Variants in CAPZB observed in about 807,000 individuals in gnomAD.
CAPZB encodes F-actin-capping protein subunit beta.
In CAPZB, 2 loss-of-function variants were observed where a neutral mutation model predicts 38.1. The observed-to-expected ratio is 0.05, with a 90% CI of 0.02 to 0.17. The LOEUF is 0.17. Ranked by LOEUF, CAPZB falls within the 10% of genes least tolerant of loss-of-function variation. CAPZB has a pLI of 1.00. For missense variants in CAPZB, 161 were observed against 334.2 expected, an observed-to-expected ratio of 0.48 and a Z score of 4.04; for synonymous variants, 107 against 127.4, an observed-to-expected ratio of 0.84 and a Z score of 1.08.
chr1:19,438,053 T>C (rs1376057962), intron 1 of CAPZB, among the ~76,000 whole-genome samples: 1 of 152,152 alleles, frequency 6.6e-6, no homozygotes, highest in Non-Finnish European at 1.5e-5. Flanking sequence ...AATCCATCCA[T>C]CCAAGTATTG....
In CAPZB at chr1:19,419,787, T is replaced by G. The variant is rs779650942; in HGVS notation, c.4-37A>C. 3.3e-6 allele frequency: 4 copies of G among 1,217,642 alleles called. No homozygotes were observed. The East Asian group carries it at 7.6e-5, about 23-fold the overall frequency. 75.4% of individuals were successfully genotyped at this position (1,217,642 alleles called of 1,614,324 possible). ...GAAATACAAGTGCGTCAGTCATTTT[T>G]GCCAGAAGGAATATCAAAAACTCCT... On this transcript the variant is annotated intron_variant, in intron 1 of 8. Coordinates refer to ENST00000264202, the MANE Select transcript of CAPZB (RefSeq NM_004930.5).
intron 1 of CAPZB, among the ~76,000 whole-genome samples, chr1:19,440,877 G>A (rs1295258419): frequency 6.6e-6 from 1 of 152,166 alleles, no homozygotes; most frequent in Non-Finnish European, 1.5e-5. Flanking sequence ...TGGCTAACAT[G>A]GTGAAACCCC....
Position 19,462,713 on chromosome 1 carries a change from C to T in CAPZB, c.3+22723G>A, listed in dbSNP as rs540487587. Among the ~76,000 whole-genome samples, 12 of 152,312 alleles carry T rather than the reference C, an allele frequency of 7.9e-5. No homozygotes were observed. The East Asian group carries it at 1.4e-3, about 17-fold the overall frequency. ...AAAACAGGTCCAGTTGAATGGCATT[C>T]CCTCTGGCTCCTATCCAGAAGAATT... On this transcript the variant is annotated intron_variant, in intron 1 of 8. Coordinates refer to ENST00000264202, the MANE Select transcript of CAPZB (RefSeq NM_004930.5).
chr1:19,365,568 C>T (rs1425044385), intron 4 of CAPZB, among the ~76,000 whole-genome samples: 5 of 152,106 alleles, frequency 3.3e-5, no homozygotes, highest in Middle Eastern at 3.2e-3. Context: ...TGGTGGCTCA[C>T]GCCTGTAATC....
chr1:19,439,238 C>T (rs573000564), intron 1 of CAPZB, among the ~76,000 whole-genome samples: 74 of 152,226 alleles, frequency 4.9e-4, no homozygotes, highest in African/African-American at 1.6e-3. Context: ...CAAGACTGTC[C>T]CACTCTTGTA....
intron 1 of CAPZB, among the ~76,000 whole-genome samples, chr1:19,443,922 C>A (rs558791677): frequency 1.1e-4 from 16 of 152,310 alleles, no homozygotes; most frequent in Non-Finnish European, 2.1e-4. Flanking sequence ...CTGGTGGGTT[C>A]ATAGTGCCCC....
At position 19,356,414 on chromosome 1, in the gene CAPZB, C is replaced by T. The variant is rs10917418; in HGVS notation, c.588+221G>A. Among the ~76,000 whole-genome samples, 18,356 of 152,276 alleles carry T rather than the reference C, an allele frequency of 0.12. 2,438 individuals carry two copies. The highest frequency in any genetic ancestry group is 0.33 in the African/African-American group (13,754 of 41,520). On this transcript the variant is annotated intron_variant, in intron 6 of 8. Transcript: ENST00000264202. The surrounding 1 kb of genome is among the most constrained non-coding windows in gnomAD (Gnocchi z 4.3). ...GGAGGAGCCACAGCCAGCACCCGGC[C>T]TCCCTCAGCAGGAGGCCAGCAGAGT... is the stretch of plus-strand genomic sequence containing the variant.
chr1:19,372,008 C>T (rs1378224238), intron 4 of CAPZB, among the ~76,000 whole-genome samples: 1 of 152,258 alleles, frequency 6.6e-6, no homozygotes, highest in East Asian at 1.9e-4. Flanking sequence ...CTCCTGGCTG[C>T]TCCACTCCTG....
At position 19,380,857 on chromosome 1, in the gene CAPZB, T is replaced by TA. The variant is rs879881235; in HGVS notation, c.216-2205dup. Among the ~76,000 whole-genome samples the TA allele has an allele frequency of 3.3e-3, 481 of 146,736 alleles. 1 individual carries two copies. Among genetic ancestry groups the TA allele is most frequent in the African/African-American group, 9.4e-3 (378 of 40,326 alleles). On this transcript the variant is annotated intron_variant, in intron 3 of 8. Coordinates refer to ENST00000264202, the MANE Select transcript of CAPZB (RefSeq NM_004930.5). ...GCCTGGCACTCAACTACACGCTCAT[T>TA]AAAAAAAAAAATGTTTTTAAGAATG...
At chr1:19,355,411 C>T (rs2094015152) in intron 6 of CAPZB, among the ~76,000 whole-genome samples, 1 of 151,376 alleles carries the variant, frequency 6.6e-6, no homozygotes, top group South Asian at 2.1e-4. Context: ...AGGAGAATCG[C>T]TTGAACCCGG....
chr1:19,437,140 A>C (rs2094460683), intron 1 of CAPZB, among the ~76,000 whole-genome samples: 1 of 152,398 alleles, frequency 6.6e-6, no homozygotes, highest in South Asian at 2.1e-4. Flanking sequence ...TTCATGACAG[A>C]TAAAAAGGTT....
intron 1 of CAPZB, among the ~76,000 whole-genome samples, chr1:19,464,228 G>T (rs1350045434): frequency 6.6e-6 from 1 of 150,406 alleles, no homozygotes; most frequent in Non-Finnish European, 1.5e-5. Context: ...GAGGAGCAAA[G>T]GAGGAAAGGA....
At chr1:19,468,396 G>GCGCCATCCACTCCC (rs1208939674) in intron 1 of CAPZB, among the ~76,000 whole-genome samples, 2 of 152,136 alleles carry the variant, frequency 1.3e-5, no homozygotes, top group Admixed American at 1.3e-4. Flanking sequence ...ACTCAACCAA[G>GCGCCATCCACTCCC]CGCCATCCAC....
chr1:19,483,524 CCAGCCTTTT>C (rs1481355644), intron 1 of CAPZB, among the ~76,000 whole-genome samples: 1 of 152,230 alleles, frequency 6.6e-6, no homozygotes, highest in Admixed American at 6.5e-5. Flanking sequence ...TCCACCCTTT[CCAGCCTTTT>C]CAGATGAGAG....
intron 4 of CAPZB, among the ~76,000 whole-genome samples, chr1:19,363,769 G>A (rs904877549): frequency 4.6e-5 from 7 of 152,146 alleles, no homozygotes; most frequent in African/African-American, 1.7e-4. Flanking sequence ...AGGGAAAACG[G>A]GAGGGGAAGA....
At chr1:19,461,879 T>A (rs1388057760) in intron 1 of CAPZB, among the ~76,000 whole-genome samples, 1 of 152,248 alleles carries the variant, frequency 6.6e-6, no homozygotes, top group Non-Finnish European at 1.5e-5. Flanking sequence ...GAATGAAGAT[T>A]AAGTCATTAC....
intron 1 of CAPZB, among the ~76,000 whole-genome samples, chr1:19,463,701 C>CA (rs899023080): frequency 1.3e-5 from 2 of 152,172 alleles, no homozygotes; most frequent in African/African-American, 4.8e-5. Context: ...GACCACTTGG[C>CA]ACCCTTAGCT....
intron 1 of CAPZB, among the ~76,000 whole-genome samples, chr1:19,447,514 C>G (rs144937583): frequency 2.0e-5 from 3 of 151,546 alleles, no homozygotes; most frequent in African/African-American, 7.3e-5. Context: ...GGATTATAGG[C>G]GAGAGCCACT....
chr1:19,346,924 A>C (rs887433556), intron 6 of CAPZB, among the ~76,000 whole-genome samples: 4 of 149,886 alleles, frequency 2.7e-5, no homozygotes, highest in African/African-American at 9.8e-5. Flanking sequence ...CCTGGGTTCA[A>C]GTGATTCTCC....
Sources: gnomAD v4.1 joint callset for allele counts (sites outside exome capture counted in the v4.1 genomes callset) on GRCh38, gnomAD v4.1.1 for gene constraint, Gnocchi (gnomAD v3.1) non-coding constraint, MANE v1.5 for transcripts, NCBI Gene and HGNC (gene_info 2026-07-23, HGNC 2026-07-21) for gene names.